Variants in GPR160 observed in about 807,000 individuals in gnomAD.
The protein encoded by GPR160 is G protein-coupled receptor 160, also known as probable G protein-coupled receptor 160.
GPR160 carries 2 observed loss-of-function variants against 2.6 expected under a neutral mutation model. The ratio of observed to expected loss-of-function variants is 0.77; its 90% CI spans 0.32 to 2.44. GPR160 has a LOEUF of 2.44. GPR160 is among the 30% of genes most tolerant of loss of function. The pLI, the probability that GPR160 is intolerant of heterozygous loss-of-function variation, is 0.11. For missense variants in GPR160, 351 were observed against 383.6 expected, an observed-to-expected ratio of 0.91 and a Z score of 0.71; for synonymous variants, 130 against 132.2, an observed-to-expected ratio of 0.98 and a Z score of 0.12.
At chr3:170,067,470 A>C (rs763939550) in intron 2 of GPR160, among the ~76,000 whole-genome samples, 11 of 151,842 alleles carry the variant, frequency 7.2e-5, no homozygotes, top group Non-Finnish European at 1.0e-4. Context: ...AATTAGGTTA[A>C]TATTTTACCA....
At chr3:170,077,517 T>C (rs1298771252) in intron 2 of GPR160, 1 of 152,212 alleles carries the variant, frequency 6.6e-6, no homozygotes, top group Non-Finnish European at 1.5e-5. Context: ...AGCTGTTCTC[T>C]GACCTTGAGG....
chr3:170,084,546 A>G lies in GPR160; in HGVS notation c.574A>G (p.Ile192Val). ...CTGGCTGTCATTTTTCATGGTGATG[A>G]TTTTATTTGTAGCTTTCATAACCTG... ...SYWLSFFMVMILFVAFITCWE... is the reference protein window; with the variant it reads ...SYWLSFFMVMVLFVAFITCWE... The change falls in exon 4 of 4, where the codon ATT (isoleucine) becomes GTT (valine). Residue 192 changes from isoleucine (I) to valine (V), a missense_variant. Coordinates refer to ENST00000355897, the MANE Select transcript of GPR160 (RefSeq NM_014373.3). The G allele has an allele frequency of 1.2e-6, 2 of 1,612,654 alleles. No homozygotes were observed. Among genetic ancestry groups the G allele is most frequent in the Non-Finnish European group, 8.5e-7 (1 of 1,178,712 alleles).
At position 170,039,024 on chromosome 3, in the gene GPR160, C is replaced by G. The variant is rs2108303584; in HGVS notation, c.-212C>G. ...AAGGAACCGCTCTCGCTTCGTCCTA[C>G]ACTTGCGCAAATGTCTCCGGTAAGG... On this transcript the variant is annotated 5_prime_UTR_variant, in exon 2 of 4. Coordinates refer to ENST00000355897, the MANE Select transcript of GPR160 (RefSeq NM_014373.3). 6.6e-6 allele frequency: 1 copy of G among 152,182 alleles called. No individual in the cohort carries two copies. Among genetic ancestry groups the G allele is most frequent in the South Asian group, 2.1e-4 (1 of 4,822 alleles). The allele number at this position is 152,182 out of a possible 1,614,324, so 9.4% of individuals were successfully genotyped here. A position where few individuals can be genotyped will look rare whatever the true frequency, so the allele number is the denominator to read the frequency against.
intron 2 of GPR160, among the ~76,000 whole-genome samples, chr3:170,043,949 C>T (rs1451227002): frequency 2.0e-5 from 3 of 151,320 alleles, no homozygotes; most frequent in African/African-American, 7.3e-5. Context: ...TAAAATAGTC[C>T]CCAGCCCTGA....
intron 2 of GPR160, among the ~76,000 whole-genome samples, chr3:170,064,906 G>GC (rs1712233491): frequency 2.6e-5 from 4 of 152,140 alleles, no homozygotes; most frequent in African/African-American, 7.2e-5. Flanking sequence ...CTGAATGGAA[G>GC]CAGGTATGAG....
chr3:170,072,988 C>A (rs1156973541), intron 2 of GPR160, among the ~76,000 whole-genome samples: 2 of 152,064 alleles, frequency 1.3e-5, no homozygotes, highest in Non-Finnish European at 2.9e-5. Flanking sequence ...TTGAGACCAA[C>A]CTGGACAACG....
chr3:170,044,682 G>A (rs950820049), intron 2 of GPR160, among the ~76,000 whole-genome samples: 3 of 152,148 alleles, frequency 2.0e-5, no homozygotes, highest in African/African-American at 7.2e-5. Context: ...TTAAGCAGGG[G>A]ACCCATGTGG....
intron 2 of GPR160, among the ~76,000 whole-genome samples, chr3:170,047,161 A>G (rs1325593714): frequency 6.6e-6 from 1 of 152,150 alleles, no homozygotes; most frequent in Non-Finnish European, 1.5e-5. Context: ...AAAGCTTCAG[A>G]GTCCATCCTA....
intron 2 of GPR160, among the ~76,000 whole-genome samples, chr3:170,075,971 T>C (rs1712830013): frequency 6.6e-6 from 1 of 152,218 alleles, no homozygotes; most frequent in Non-Finnish European, 1.5e-5. Flanking sequence ...TTGTCAGATT[T>C]TATCAGTGTA....
At chr3:170,071,809 C>T (rs1712609689) in intron 2 of GPR160, among the ~76,000 whole-genome samples, 1 of 152,052 alleles carries the variant, frequency 6.6e-6, no homozygotes, top group East Asian at 1.9e-4. Flanking sequence ...AACAGAAATA[C>T]CTCTTTATAA....
At chr3:170,076,060 C>T (rs1325217956) in intron 2 of GPR160, among the ~76,000 whole-genome samples, 1 of 152,052 alleles carries the variant, frequency 6.6e-6, no homozygotes, top group East Asian at 1.9e-4. Context: ...CTTTTTAAAA[C>T]TTTGCTTTAG....
intron 2 of GPR160, among the ~76,000 whole-genome samples, chr3:170,056,582 T>A (rs999197802): frequency 8.5e-5 from 13 of 152,208 alleles, no homozygotes; most frequent in Non-Finnish European, 1.8e-4. Flanking sequence ...ATTTAACCTT[T>A]TAGAGGTCAG....
intron 2 of GPR160, among the ~76,000 whole-genome samples, chr3:170,056,968 A>G (rs1175784202): frequency 6.6e-6 from 1 of 152,228 alleles, no homozygotes; most frequent in Non-Finnish European, 1.5e-5. Context: ...AAGTCATTTC[A>G]TAACTGGCAA....
chr3:170,058,997 A>T (rs1029734658), intron 2 of GPR160, among the ~76,000 whole-genome samples: 4 of 150,790 alleles, frequency 2.7e-5, no homozygotes, highest in African/African-American at 9.8e-5. Context: ...ATGGAAAGGG[A>T]AATAACCACA....
intron 3 of GPR160, among the ~76,000 whole-genome samples, chr3:170,080,828 G>A (rs961498974): frequency 6.6e-6 from 1 of 152,144 alleles, no homozygotes; most frequent in African/African-American, 2.4e-5. Context: ...TGCCTCCCAA[G>A]TAGCTGGAAC....
intron 2 of GPR160, among the ~76,000 whole-genome samples, chr3:170,073,958 G>A (rs891345711): frequency 1.4e-5 from 2 of 144,222 alleles, no homozygotes; most frequent in African/African-American, 5.2e-5. Context: ...GCACAATCTC[G>A]GCTCACTGCA....
At chr3:170,062,336 A>G (rs2270442) in intron 2 of GPR160, 82,618 of 269,622 alleles carry the variant, frequency 0.31, 13,503 homozygotes, top group East Asian at 0.57. Flanking sequence ...AGAGGGGTCC[A>G]GGGAGGCGCT....
intron 2 of GPR160, among the ~76,000 whole-genome samples, chr3:170,045,443 A>AAAAAAAC (rs1559981277): frequency 3.8e-5 from 5 of 131,472 alleles, no homozygotes; most frequent in African/African-American, 1.7e-4. Flanking sequence ...AAAAAAAAAA[A>AAAAAAAC]AAAACCAATT....
intron 2 of GPR160, among the ~76,000 whole-genome samples, chr3:170,064,929 C>G (rs116719120): frequency 2.6e-5 from 4 of 152,098 alleles, no homozygotes; most frequent in Non-Finnish European, 4.4e-5. Context: ...CCTGTCCTCG[C>G]CTTTGATTCC....
Sources: gnomAD v4.1 joint callset for allele counts (sites outside exome capture counted in the v4.1 genomes callset) on GRCh38, gnomAD v4.1.1 for gene constraint, MANE v1.5 for transcripts, NCBI Gene and HGNC (gene_info 2026-07-23, HGNC 2026-07-21) for gene names.